Variants in KIFAP3 observed in about 807,000 individuals in gnomAD.
KIFAP3 encodes kinesin associated protein 3.
KIFAP3 carries 68 observed loss-of-function variants against 106.5 expected under a neutral mutation model. The observed-to-expected ratio is 0.64, with a 90% CI of 0.53 to 0.78. The LOEUF is 0.78. Among genes scored for constraint, KIFAP3 ranks in the 30% least tolerant of loss-of-function variants. The pLI is 0.00. For missense variants in KIFAP3, 780 were observed against 941.8 expected (o/e 0.83, Z 2.25); for synonymous variants, 320 against 311.5 (o/e 1.03, Z -0.29).
intron 10 of KIFAP3, among the ~76,000 whole-genome samples, chr1:169,997,296 A>G (rs1269464566): frequency 6.6e-6 from 1 of 152,218 alleles, no homozygotes; most frequent in Non-Finnish European, 1.5e-5. Flanking sequence ...AGCAATTAGC[A>G]CTAAGTTTGA....
chr1:169,935,688 C>T (rs1663753053), intron 19 of KIFAP3, among the ~76,000 whole-genome samples: 1 of 151,928 alleles, frequency 6.6e-6, no homozygotes, highest in Admixed American at 6.6e-5. Flanking sequence ...TGCCTTTCTA[C>T]TCTAAAATGA....
chr1:170,025,849 T>C (rs1302862109), intron 8 of KIFAP3, among the ~76,000 whole-genome samples: 2 of 152,206 alleles, frequency 1.3e-5, no homozygotes, highest in South Asian at 4.1e-4. Flanking sequence ...GACTTCTCTT[T>C]ACAGCCAAGA....
In KIFAP3 at chr1:170,035,863, T is replaced by G. The variant is rs184460242; in HGVS notation, c.518-310A>C. 3.8e-3 allele frequency among the ~76,000 whole-genome samples: 585 copies of G among 152,150 alleles called. 11 individuals are homozygous for G. Among genetic ancestry groups the G allele is most frequent in the Admixed American group, 0.036 (550 of 15,282 alleles). On this transcript the variant is annotated intron_variant, in intron 5 of 19. Coordinates refer to ENST00000361580, the MANE Select transcript of KIFAP3 (RefSeq NM_014970.4). ...CCTTTCATTTCTTAATTTAATAACC[T>G]TAAATTAAGAACTGTAATCTTCCTA...
intron 1 of KIFAP3, among the ~76,000 whole-genome samples, chr1:170,082,291 A>T (rs1672031933): frequency 6.6e-6 from 1 of 152,198 alleles, no homozygotes; most frequent in South Asian, 2.1e-4. Context: ...AACATAAATA[A>T]ATCTTTAAAA....
At chr1:170,041,905 G>C (rs1360992126) in intron 3 of KIFAP3, 2 of 1,338,288 alleles carry the variant, frequency 1.5e-6, no homozygotes, top group Non-Finnish European at 1.9e-6. Context: ...GGCAACATTT[G>C]GGGGAAGTAC....
At chr1:170,009,683 T>C (rs183116496) in intron 10 of KIFAP3, among the ~76,000 whole-genome samples, 2 of 152,142 alleles carry the variant, frequency 1.3e-5, no homozygotes, top group Non-Finnish European at 2.9e-5. Flanking sequence ...CAAGTTACTT[T>C]TGAAACACTA....
At chr1:169,949,792 T>C (rs1023194019) in intron 19 of KIFAP3, among the ~76,000 whole-genome samples, 2 of 152,112 alleles carry the variant, frequency 1.3e-5, no homozygotes, top group Non-Finnish European at 2.9e-5. Flanking sequence ...AGAGCCCTAA[T>C]GCATTTTGCA....
chr1:169,966,805 T>A (rs544042672), intron 17 of KIFAP3, among the ~76,000 whole-genome samples: 7 of 151,814 alleles, frequency 4.6e-5, no homozygotes, highest in Non-Finnish European at 7.4e-5. Context: ...CATAAAAGTT[T>A]GCTCTAGTTT....
chr1:170,067,826 G>C (rs146822027), intron 1 of KIFAP3: 1 of 152,214 alleles, frequency 6.6e-6, no homozygotes, highest in Non-Finnish European at 1.5e-5. Flanking sequence ...AGCCCAAGAG[G>C]AAAGTCCAGG....
upstream of KIFAP3, among the ~76,000 whole-genome samples, chr1:170,079,527 T>C (rs1281582182): frequency 6.6e-6 from 1 of 151,662 alleles, no homozygotes; most frequent in East Asian, 1.9e-4. Flanking sequence ...TTTAAAAAAC[T>C]ATTAGCAATC....
At chr1:170,019,517 A>G (rs1668696917) in intron 9 of KIFAP3, among the ~76,000 whole-genome samples, 1 of 152,190 alleles carries the variant, frequency 6.6e-6, no homozygotes, top group African/African-American at 2.4e-5. Flanking sequence ...ACTGGTAAAC[A>G]TTCAAAAGTC....
intron 9 of KIFAP3, among the ~76,000 whole-genome samples, chr1:170,022,480 G>T (rs569755464): frequency 3.0e-4 from 46 of 152,010 alleles, no homozygotes; most frequent in Non-Finnish European, 1.0e-4. Flanking sequence ...AAGAAGAAGA[G>T]TAGGAAGTTG....
intron 1 of KIFAP3, chr1:170,068,423 G>A (rs1411065562): frequency 6.6e-6 from 1 of 151,902 alleles, no homozygotes; most frequent in Non-Finnish European, 1.5e-5. Flanking sequence ...TACAATAACT[G>A]AAATAAAAAA....
At chr1:169,969,297 A>G (rs1409034861) in intron 17 of KIFAP3, among the ~76,000 whole-genome samples, 1 of 151,982 alleles carries the variant, frequency 6.6e-6, no homozygotes, top group Non-Finnish European at 1.5e-5. Context: ...AAGACGTTGT[A>G]AGATACTTCT....
rs1369914363 is a variant in KIFAP3, at chr1:170,069,732, G to C, written c.32+4704C>G. Among the ~76,000 whole-genome samples, 5 of 151,910 alleles carry C rather than the reference G, an allele frequency of 3.3e-5. No individual in the cohort carries two copies. The South Asian group carries it at 1.0e-3, about 31-fold the overall frequency. Reference sequence around the variant, plus strand: ...CATACTCAATGGTGAAAGAATGAAAGCTTTCCCCCTAAGATCAGGAACAAG... The same window carrying C: ...CATACTCAATGGTGAAAGAATGAAACCTTTCCCCCTAAGATCAGGAACAAG... On this transcript the variant is annotated intron_variant, in intron 1 of 19. Coordinates refer to ENST00000361580, the MANE Select transcript of KIFAP3 (RefSeq NM_014970.4).
intron 9 of KIFAP3, among the ~76,000 whole-genome samples, chr1:170,021,321 T>C (rs923171968): frequency 4.6e-5 from 7 of 151,878 alleles, no homozygotes; most frequent in African/African-American, 1.7e-4. Context: ...CAAGCTTCAA[T>C]TGTTGCTAAT....
At chr1:169,981,338 C>T (rs919791007) in intron 15 of KIFAP3, among the ~76,000 whole-genome samples, 1 of 152,120 alleles carries the variant, frequency 6.6e-6, no homozygotes, top group Non-Finnish European at 1.5e-5. Flanking sequence ...TGAATCATCC[C>T]TTTGTCCAGT....
At chr1:169,963,132 C>T (rs1257237301) in intron 17 of KIFAP3, among the ~76,000 whole-genome samples, 1 of 152,104 alleles carries the variant, frequency 6.6e-6, no homozygotes, top group East Asian at 1.9e-4. Flanking sequence ...GTCCTGATGT[C>T]TCTTGTTCCC....
At chr1:169,942,532 T>C (rs115509149) in intron 19 of KIFAP3, among the ~76,000 whole-genome samples, 8 of 152,262 alleles carry the variant, frequency 5.3e-5, no homozygotes, top group Non-Finnish European at 7.3e-5. Flanking sequence ...TTAAACTGAT[T>C]GTGCTGTTTT....
Sources: allele counts gnomAD v4.1 joint callset (sites outside exome capture counted in the v4.1 genomes callset), GRCh38; gene constraint gnomAD v4.1.1; transcripts MANE v1.5; gene names NCBI Gene and HGNC (gene_info 2026-07-23, HGNC 2026-07-21).